Variants in ALCAM observed in about 807,000 individuals in gnomAD.
ALCAM encodes the protein activated leukocyte cell adhesion molecule.
ALCAM carries 30 observed loss-of-function variants against 70.9 expected under a neutral mutation model. The observed-to-expected ratio is 0.42, with a 90% confidence interval of 0.32 to 0.57. The LOEUF is 0.57. Among genes scored for constraint, ALCAM ranks in the 20% least tolerant of loss-of-function variants. ALCAM has a pLI of 0.11. For synonymous variants in ALCAM, 249 were observed against 242.5 expected (o/e 1.03, Z -0.25); for missense variants, 591 against 695.1 (o/e 0.85, Z 1.68).
At chr3:105,571,424 C>T (rs72989943) in intron 14 of ALCAM, among the ~76,000 whole-genome samples, 12,525 of 152,170 alleles carry the variant, frequency 0.082, 658 homozygotes, top group Non-Finnish European at 0.12. Context: ...AGGGTGTTAG[C>T]TCAACTGGGA....
At chr3:105,414,974 G>A (rs565490147) in intron 1 of ALCAM, among the ~76,000 whole-genome samples, 3 of 152,188 alleles carry the variant, frequency 2.0e-5, no homozygotes, top group African/African-American at 4.8e-5. Context: ...AGCAGATATC[G>A]TCTGACCTAG....
intron 9 of ALCAM, among the ~76,000 whole-genome samples, chr3:105,546,618 T>A (rs1940253515): frequency 1.3e-5 from 2 of 151,500 alleles, no homozygotes; most frequent in Admixed American, 1.3e-4. Context: ...AAACTAAGTT[T>A]ACTGTGGTTT....
At chr3:105,448,757 C>T (rs978014340) in intron 1 of ALCAM, among the ~76,000 whole-genome samples, 2 of 152,156 alleles carry the variant, frequency 1.3e-5, no homozygotes, top group South Asian at 2.1e-4. Context: ...AGCTATGCTC[C>T]TCCAGTCTGG....
At chr3:105,465,943 C>T (rs940457057) in intron 1 of ALCAM, among the ~76,000 whole-genome samples, 2 of 151,390 alleles carry the variant, frequency 1.3e-5, no homozygotes, top group African/African-American at 4.8e-5. Flanking sequence ...GCCCTAGAAG[C>T]AGCTCTACAA....
intron 1 of ALCAM, among the ~76,000 whole-genome samples, chr3:105,406,088 A>G (rs1459081118): frequency 1.3e-5 from 2 of 152,190 alleles, no homozygotes; most frequent in African/African-American, 4.8e-5. Flanking sequence ...TCGCCTAAAG[A>G]CACAGTGATC....
rs1177921794 is a variant in ALCAM, at chr3:105,576,669, G to A, written c.*2218G>A. 1.3e-5 allele frequency: 2 copies of A among 152,212 alleles called. No homozygotes were observed. The highest frequency in any genetic ancestry group is 2.9e-5 in the Non-Finnish European group (2 of 68,010). The allele number at this position is 152,212 out of a possible 1,614,324, so 9.4% of individuals were successfully genotyped here. A position where few individuals can be genotyped will look rare whatever the true frequency, so the allele number is the denominator to read the frequency against. On this transcript the variant is annotated 3_prime_UTR_variant, in exon 16 of 16. Transcript: ENST00000306107. ...ATCGATTCAGTGCCTGGATAAAGAG[G>A]AAAGCTTACTTGTTTAATGGCAGCC...
chr3:105,451,528 A>T (rs978684474), intron 1 of ALCAM, among the ~76,000 whole-genome samples: 1 of 152,212 alleles, frequency 6.6e-6, no homozygotes, highest in Non-Finnish European at 1.5e-5. Context: ...GCCTAGAAAG[A>T]ATATGTCAGG....
At chr3:105,389,370 A>G (rs1188401885) in intron 1 of ALCAM, among the ~76,000 whole-genome samples, 2 of 25,126 alleles carry the variant, frequency 8.0e-5, no homozygotes. Flanking sequence ...ATATATACAT[A>G]GTTTTTTTTT....
At chr3:105,410,663 C>T (rs897099052) in intron 1 of ALCAM, among the ~76,000 whole-genome samples, 3 of 151,978 alleles carry the variant, frequency 2.0e-5, no homozygotes, top group African/African-American at 7.2e-5. Flanking sequence ...CTTTCCGAGG[C>T]AGGCAGGTTC....
chr3:105,373,150 C>T (rs1306665628), intron 1 of ALCAM, among the ~76,000 whole-genome samples: 1 of 151,832 alleles, frequency 6.6e-6, no homozygotes, highest in Non-Finnish European at 1.5e-5. Context: ...GGTTAGCAGC[C>T]AGGTAGGTTG....
At chr3:105,489,970 CT>C (rs1191007252) in intron 1 of ALCAM, among the ~76,000 whole-genome samples, 1 of 152,214 alleles carries the variant, frequency 6.6e-6, no homozygotes, top group Non-Finnish European at 1.5e-5. Flanking sequence ...GCCACTAACA[CT>C]TTAGAAAGTA....
rs1445590392 is a variant in ALCAM at position 105,574,736 on chromosome 3, T to C, written c.*285T>C. The stretch of plus-strand genomic sequence containing the variant: ...TCCGTAAATGTCTGCACTGAGGATT[T>C]CTTTTTGGTTTGCCTTTTATGTAAA... On this transcript the variant is annotated 3_prime_UTR_variant, in exon 16 of 16. Coordinates refer to ENST00000306107, the MANE Select transcript of ALCAM (RefSeq NM_001627.4). The C allele has an allele frequency of 6.6e-6, 1 of 152,628 alleles. No homozygotes were observed. The highest frequency in any genetic ancestry group is 1.5e-5 in the Non-Finnish European group (1 of 68,040). The allele number at this position is 152,628 out of a possible 1,614,324, so 9.5% of individuals were successfully genotyped here.
At chr3:105,440,449 G>A (rs1937146578) in intron 1 of ALCAM, among the ~76,000 whole-genome samples, 1 of 152,170 alleles carries the variant, frequency 6.6e-6, no homozygotes, top group African/African-American at 2.4e-5. Flanking sequence ...TGAAGTTGAA[G>A]AAGGGAGGAT....
chr3:105,433,758 C>A (rs1936988830), intron 1 of ALCAM, among the ~76,000 whole-genome samples: 1 of 140,520 alleles, frequency 7.1e-6, no homozygotes, highest in Admixed American at 7.5e-5. Context: ...CTTTCTATCA[C>A]CTTAAGAAAT....
At chr3:105,451,890 A>G (rs577401022) in intron 1 of ALCAM, among the ~76,000 whole-genome samples, 1 of 152,140 alleles carries the variant, frequency 6.6e-6, no homozygotes, top group African/African-American at 2.4e-5. Flanking sequence ...CCAAGTCCCA[A>G]ATTCACCCCA....
chr3:105,502,054 C>A (rs558598624), intron 1 of ALCAM, among the ~76,000 whole-genome samples: 1 of 152,166 alleles, frequency 6.6e-6, no homozygotes, highest in Admixed American at 6.5e-5. Context: ...AATAAGAAAT[C>A]TGACATACTA....
At chr3:105,503,460 T>G (rs1351292698) in intron 1 of ALCAM, among the ~76,000 whole-genome samples, 1 of 152,206 alleles carries the variant, frequency 6.6e-6, no homozygotes, top group Non-Finnish European at 1.5e-5. Context: ...AAATGTCTCC[T>G]GTCTCCTTTT....
rs1337367515 is a variant in ALCAM, at chr3:105,574,952, G to A, written c.*501G>A. The stretch of plus-strand genomic sequence containing the variant: ...ACCTAAAACCCAAAGGTGGCAGCTT[G>A]TGAAGATTGGGGACACTCATATTGC... On this transcript the variant is annotated 3_prime_UTR_variant, in exon 16 of 16. Transcript: ENST00000306107. The A allele has an allele frequency of 1.3e-5, 2 of 152,422 alleles. No homozygotes were observed. Among genetic ancestry groups the A allele is most frequent in the South Asian group, 4.1e-4 (2 of 4,826 alleles). The allele number at this position is 152,422 out of a possible 1,614,324, so 9.4% of individuals were successfully genotyped here. A position where few individuals can be genotyped will look rare whatever the true frequency, so the allele number is the denominator to read the frequency against.
chr3:105,525,479 CTTTT>C, intron 3 of ALCAM: 1 of 464,124 alleles, frequency 2.2e-6, no homozygotes. Context: ...GTCTTTCAGT[CTTTT>C]TTAATTAGGG....
Sources: allele counts gnomAD v4.1 joint callset (sites outside exome capture counted in the v4.1 genomes callset), GRCh38; gene constraint gnomAD v4.1.1; transcripts MANE v1.5; gene names NCBI Gene and HGNC (gene_info 2026-07-23, HGNC 2026-07-21).